The following APBA1 variants were observed in gnomAD, a reference collection of about 807,000 sequenced individuals.
APBA1 encodes amyloid-beta A4 precursor protein-binding family A member 1.
In APBA1, 55 loss-of-function variants were observed where a neutral mutation model predicts 86.6. That is an observed-to-expected ratio of 0.64 (90% confidence interval 0.51 to 0.80). The LOEUF is 0.80. Ranked by LOEUF, APBA1 falls within the 30% of genes least tolerant of loss-of-function variation. The pLI is 0.00. For missense variants in APBA1, 1,090 were observed against 1,183.0 expected (o/e 0.92, Z 1.15); for synonymous variants, 511 against 493.9 (o/e 1.03, Z -0.46).
At chr9:69,582,804 G>A (rs1821938613) in intron 1 of APBA1, among the ~76,000 whole-genome samples, 1 of 152,192 alleles carries the variant, frequency 6.6e-6, no homozygotes, top group Admixed American at 6.5e-5. Flanking sequence ...CGCTATGAAA[G>A]TGAGAGGAGA....
chr9:69,454,163 T>G (rs554757760), intron 8 of APBA1, among the ~76,000 whole-genome samples: 1 of 152,240 alleles, frequency 6.6e-6, no homozygotes, highest in Non-Finnish European at 1.5e-5. Context: ...ATGGGAACTT[T>G]CCGTGTGGCT....
intron 1 of APBA1, among the ~76,000 whole-genome samples, chr9:69,657,704 T>C (rs946233555): frequency 6.6e-6 from 1 of 152,234 alleles, no homozygotes; most frequent in African/African-American, 2.4e-5. Flanking sequence ...TATGCATATG[T>C]GTGTATACAT....
At chr9:69,665,412 C>T (rs1293396301) in intron 1 of APBA1, among the ~76,000 whole-genome samples, 1 of 152,202 alleles carries the variant, frequency 6.6e-6, no homozygotes, top group East Asian at 1.9e-4. Flanking sequence ...GCTTTAGCAT[C>T]CTATGGCAAT....
chr9:69,503,786 C>A (rs781184987), intron 2 of APBA1, among the ~76,000 whole-genome samples: 2 of 152,040 alleles, frequency 1.3e-5, no homozygotes, highest in Admixed American at 6.5e-5. Flanking sequence ...GCCCTCTGAG[C>A]GGCAGGCCAC....
rs764083422 is a variant in APBA1 at position 69,449,640 on chromosome 9, T to C, written c.2125A>G (p.Ile709Val). The change falls in exon 10 of 13, where the codon ATT (isoleucine) becomes GTT (valine). Residue 709 changes from isoleucine (I) to valine (V), a missense_variant. Transcript: ENST00000265381. ...KLNIGDQIMS[I>V]NGTSLVGLPL... Reference sequence around the variant, plus strand: ...AGGCCCACCAGGCTGGTGCCATTAATGGACATGATCTGGTCACCGATATTC... The same window carrying C: ...AGGCCCACCAGGCTGGTGCCATTAACGGACATGATCTGGTCACCGATATTC... The C allele has an allele frequency of 1.2e-6, 2 of 1,614,072 alleles. No homozygotes were observed. Among genetic ancestry groups the C allele is most frequent in the Admixed American group, 3.3e-5 (2 of 60,026 alleles).
chr9:69,584,893 T>A, intron 1 of APBA1, among the ~76,000 whole-genome samples: 1 of 152,192 alleles, frequency 6.6e-6, no homozygotes, highest in African/African-American at 2.4e-5. Flanking sequence ...GCCTACCATA[T>A]CCAGAGAAAA....
At chr9:69,489,090 A>G (rs898168489) in intron 2 of APBA1, among the ~76,000 whole-genome samples, 1 of 152,158 alleles carries the variant, frequency 6.6e-6, no homozygotes, top group African/African-American at 2.4e-5. Context: ...CAACCCCATC[A>G]AGCTACCAAT....
intron 1 of APBA1, among the ~76,000 whole-genome samples, chr9:69,647,067 T>G (rs1369503636): frequency 1.3e-5 from 2 of 152,172 alleles, no homozygotes; most frequent in African/African-American, 2.4e-5. Context: ...GCATCATTGC[T>G]TAATATTCAG....
At position 69,554,462 on chromosome 9, in the gene APBA1, T is replaced by TACAACTA. The variant is rs1836831911; in HGVS notation, c.-69-37190_-69-37184dup. 3.3e-5 allele frequency among the ~76,000 whole-genome samples: 5 copies of TACAACTA among 152,328 alleles called. No homozygotes were observed. In the South Asian group the frequency reaches 1.0e-3, roughly 32 times the overall value. Reference sequence around the variant, plus strand: ...TATACTTGAAGAAGTTAGATATAGGTACAACTAACTCACTTGTGATCCATT... The same window carrying TACAACTA: ...TATACTTGAAGAAGTTAGATATAGGTACAACTAACAACTAACTCACTTGTGATCCATT... On this transcript the variant is annotated intron_variant, in intron 1 of 12. Transcript: ENST00000265381.
chr9:69,652,674 T>C (rs1350542703), intron 1 of APBA1, among the ~76,000 whole-genome samples: 6 of 152,082 alleles, frequency 3.9e-5, no homozygotes, highest in African/African-American at 9.7e-5. Flanking sequence ...TTAAAAGACA[T>C]AGAGTGGCTG....
intron 1 of APBA1, among the ~76,000 whole-genome samples, chr9:69,528,555 T>C (rs1479673906): frequency 6.6e-6 from 1 of 152,124 alleles, no homozygotes; most frequent in Non-Finnish European, 1.5e-5. Context: ...TGCCTTGGTA[T>C]AAAATCAAAA....
chr9:69,449,441 G>C, intron 10 of APBA1, 143 bp downstream of exon 10: 1 of 740,522 alleles, frequency 1.4e-6, no homozygotes, highest in South Asian at 1.7e-5. Flanking sequence ...CTTCCTGAGT[G>C]CAAGTCCACG....
chr9:69,618,082 T>C (rs1250075396), intron 1 of APBA1, among the ~76,000 whole-genome samples: 1 of 152,216 alleles, frequency 6.6e-6, no homozygotes, highest in African/African-American at 2.4e-5. Flanking sequence ...CATGACTGAA[T>C]AGTGTTGTTT....
chr9:69,577,065 A>C (rs977886339), intron 1 of APBA1, among the ~76,000 whole-genome samples: 4 of 152,228 alleles, frequency 2.6e-5, no homozygotes, highest in African/African-American at 9.6e-5. Context: ...TATAAAGTAT[A>C]GTGATCAGAT....
At chr9:69,431,455 G>A (rs1056582576) in intron 12 of APBA1, 57 bp from the exon 13 acceptor site, 23 of 1,489,592 alleles carry the variant, frequency 1.5e-5, no homozygotes, top group Middle Eastern at 1.7e-4. Flanking sequence ...GGCTGCGTGG[G>A]CACTGCCCAG....
chr9:69,647,443 G>A (rs1268257002), intron 1 of APBA1, among the ~76,000 whole-genome samples: 1 of 152,138 alleles, frequency 6.6e-6, no homozygotes, highest in African/African-American at 2.4e-5. Context: ...GAGTTTATCA[G>A]CATTTTGCAA....
chr9:69,618,331 A>G (rs1236073060), intron 1 of APBA1, among the ~76,000 whole-genome samples: 2 of 152,078 alleles, frequency 1.3e-5, no homozygotes, highest in Non-Finnish European at 2.9e-5. Flanking sequence ...GCTTCTCTTG[A>G]CTCAATTTAA....
rs74926852 is a variant in APBA1, at chr9:69,532,086, T to C, written c.-69-14807A>G. Among the ~76,000 whole-genome samples the C allele has an allele frequency of 8.4e-3, 1,194 of 142,916 alleles. 15 individuals are homozygous for C. Among genetic ancestry groups the C allele is most frequent in the African/African-American group, 0.03 (1,130 of 37,466 alleles). The allele number at this position is 142,916 out of a possible 152,430, so 93.8% of individuals were successfully genotyped here. A position where few individuals can be genotyped will look rare whatever the true frequency, so the allele number is the denominator to read the frequency against. The stretch of plus-strand genomic sequence containing the variant: ...AATGTAAACTATGGACTTCAGGTGA[T>C]AATGGTTTATCAATAGGTTCATCAA... On this transcript the variant is annotated intron_variant, in intron 1 of 12. Coordinates refer to ENST00000265381, the MANE Select transcript of APBA1 (RefSeq NM_001163.4).
Position 69,577,159 on chromosome 9 carries a change from G to C in APBA1, c.-69-59880C>G, listed in dbSNP as rs1172692277. On this transcript the variant is annotated intron_variant, in intron 1 of 12. Transcript: ENST00000265381. The stretch of plus-strand genomic sequence containing the variant: ...CAGAATATCCTCCTTCTAGCTATTG[G>C]AAACTATATATTATTGTTAACTATG... Among the ~76,000 whole-genome samples, 4 of 152,206 alleles carry C rather than the reference G, an allele frequency of 2.6e-5. No individual in the cohort carries two copies. In the East Asian group the frequency reaches 7.7e-4, roughly 29 times the overall value.
Sources: gnomAD v4.1 joint callset for allele counts (sites outside exome capture counted in the v4.1 genomes callset) on GRCh38, gnomAD v4.1.1 for gene constraint, MANE v1.5 for transcripts, NCBI Gene and HGNC (gene_info 2026-07-23, HGNC 2026-07-21) for gene names.